SYT3: variants seen among roughly 807,000 people sequenced by gnomAD.
SYT3 encodes the protein synaptotagmin-3.
In SYT3, 25 loss-of-function variants were observed where a neutral mutation model predicts 50.6. The ratio of observed to expected loss-of-function variants is 0.49; its 90% CI spans 0.36 to 0.69. The LOEUF is 0.69. Among genes scored for constraint, SYT3 ranks in the 30% least tolerant of loss-of-function variants. The pLI is 0.00. For synonymous variants in SYT3, 323 were observed against 353.9 expected (o/e 0.91, Z 0.98); for missense variants, 589 against 793.6 (o/e 0.74, Z 3.10).
intron 6 of SYT3, among the ~76,000 whole-genome samples, 169 bp downstream of exon 6, chr19:50,629,125 T>C (rs917901959): frequency 6.6e-6 from 1 of 152,180 alleles, no homozygotes; most frequent in Non-Finnish European, 1.5e-5. Context: ...GCCCGGCTCA[T>C]TCTCTATTCT....
At chr19:50,623,804 A>G (rs1254314242) in intron 9 of SYT3, among the ~76,000 whole-genome samples, 2 of 151,850 alleles carry the variant, frequency 1.3e-5, no homozygotes, top group African/African-American at 4.8e-5. Context: ...CTCTGTCTCA[A>G]TAATAACAAT....
chr19:50,627,434 A>G (rs1251067135), intron 6 of SYT3, among the ~76,000 whole-genome samples: 2 of 152,150 alleles, frequency 1.3e-5, no homozygotes, highest in Non-Finnish European at 2.9e-5. Context: ...GAAGAAATGA[A>G]TGAAGGCTGG....
intron 4 of SYT3, 132 bp from the exon 5 acceptor site, chr19:50,630,303 C>A: frequency 1.1e-6 from 1 of 924,162 alleles, no homozygotes; most frequent in Non-Finnish European, 1.6e-6. Context: ...CCCTCCTTTG[C>A]TCACTGTGTG....
chr19:50,645,181 C>A, the SYT3 span, among the ~76,000 whole-genome samples: 1 of 152,284 alleles, frequency 6.6e-6, no homozygotes, highest in East Asian at 1.9e-4. Context: ...GCGGCGCTGA[C>A]AGTATTTCTG....
upstream of SYT3, among the ~76,000 whole-genome samples, chr19:50,642,889 GTTAAA>G (rs776029983): frequency 2.6e-5 from 4 of 152,312 alleles, no homozygotes; most frequent in South Asian, 2.1e-4. Flanking sequence ...TATTTTGAGG[GTTAAA>G]TTAAATTCAT....
rs3028785 is a variant in SYT3, at chr19:50,634,572, C to CTTTTT, written c.149-1766_149-1762dup. Among the ~76,000 whole-genome samples, 41 of 74,242 alleles carry CTTTTT rather than the reference C, an allele frequency of 5.5e-4. 1 individual carries two copies. Among genetic ancestry groups the CTTTTT allele is most frequent in the South Asian group, 1.7e-3 (3 of 1,748 alleles). The allele number at this position is 74,242 out of a possible 152,430, so 48.7% of individuals were successfully genotyped here. ...TCCTTCCCCCCTCCCTCTTGGGGTG[C>CTTTTT]TTTTTTTTTTTTTTTTTTTTTTTTT... On this transcript the variant is annotated intron_variant, in intron 3 of 10. Transcript: ENST00000600079.
At chr19:50,645,706 T>G in the SYT3 span, among the ~76,000 whole-genome samples, 70 of 152,152 alleles carry the variant, frequency 4.6e-4, 1 homozygote, top group African/African-American at 5.3e-4. Flanking sequence ...TGGTGAAATT[T>G]CAGCTTTACC....
At chr19:50,656,413 G>A in the SYT3 span, 6 of 1,476,714 alleles carry the variant, frequency 4.1e-6, no homozygotes, top group South Asian at 5.3e-5. Flanking sequence ...CACAGGCTGA[G>A]AAGCAGTGTG....
At chr19:50,649,391 A>G in the SYT3 span, 1 of 1,517,016 alleles carries the variant, frequency 6.6e-7, no homozygotes, top group South Asian at 1.2e-5. Flanking sequence ...TGGGTGGCCC[A>G]GGCAGAGCCT....
intron 9 of SYT3, among the ~76,000 whole-genome samples, chr19:50,623,565 G>A (rs1049915180): frequency 5.4e-4 from 1 of 1,852 alleles, no homozygotes; most frequent in African/African-American, 5.0e-3. Flanking sequence ...ATCACTTGAG[G>A]TGGGAAGTTG....
At chr19:50,657,266 C>T in the SYT3 span, among the ~76,000 whole-genome samples, 1 of 152,178 alleles carries the variant, frequency 6.6e-6, no homozygotes, top group Admixed American at 6.5e-5. Context: ...AGGGATCAGT[C>T]TCCACCCCAT....
chr19:50,649,793 C>A, the SYT3 span: 1 of 556,556 alleles, frequency 1.8e-6, no homozygotes, highest in South Asian at 1.5e-5. Context: ...CCATTCTTCT[C>A]CTAGGTAACC....
chr19:50,647,513 C>G, the SYT3 span, among the ~76,000 whole-genome samples: 1 of 151,212 alleles, frequency 6.6e-6, no homozygotes, highest in African/African-American at 2.4e-5. Flanking sequence ...CGGTGAGACT[C>G]CATCTTAAAA....
upstream of SYT3, among the ~76,000 whole-genome samples, chr19:50,644,757 G>T (rs1984735147): frequency 6.6e-6 from 1 of 151,876 alleles, no homozygotes; most frequent in Non-Finnish European, 1.5e-5. Flanking sequence ...GGAGGGTTGG[G>T]TGGATGGATG....
chr19:50,634,452 C>T (rs1984426472), intron 3 of SYT3, among the ~76,000 whole-genome samples: 1 of 151,998 alleles, frequency 6.6e-6, no homozygotes, highest in Admixed American at 6.6e-5. Flanking sequence ...TTTGGAATGA[C>T]TTATCCCATT....
At chr19:50,645,485 G>A in the SYT3 span, among the ~76,000 whole-genome samples, 2 of 152,112 alleles carry the variant, frequency 1.3e-5, no homozygotes, top group Non-Finnish European at 2.9e-5. Context: ...AGAGACAGAT[G>A]TACAGAGAGA....
intron 2 of SYT3, among the ~76,000 whole-genome samples, chr19:50,638,791 A>T (rs542081008): frequency 6.6e-6 from 1 of 152,238 alleles, no homozygotes; most frequent in Admixed American, 6.5e-5. Context: ...GGGCAGACAG[A>T]CATGGGTTCA....
At chr19:50,648,582 C>T in the SYT3 span, among the ~76,000 whole-genome samples, 2 of 152,130 alleles carry the variant, frequency 1.3e-5, no homozygotes, top group East Asian at 1.9e-4. Flanking sequence ...CGAGAGGCCC[C>T]GTGAGACCCC....
chr19:50,657,746 G>A, the SYT3 span, among the ~76,000 whole-genome samples: 1 of 152,186 alleles, frequency 6.6e-6, no homozygotes, highest in Admixed American at 6.6e-5. Context: ...AAATTGGCTT[G>A]GTGAGAATTG....
Sources: gnomAD v4.1 joint callset for allele counts (sites outside exome capture counted in the v4.1 genomes callset) on GRCh38, gnomAD v4.1.1 for gene constraint, MANE v1.5 for transcripts, NCBI Gene and HGNC (gene_info 2026-07-23, HGNC 2026-07-21) for gene names.